The following TMEM178B variants were observed in gnomAD, a reference collection of about 807,000 sequenced individuals.
The protein encoded by TMEM178B is transmembrane protein 178B.
Under a neutral mutation model 31.0 loss-of-function variants are expected in TMEM178B, and 5 were observed. The observed-to-expected ratio is 0.16, with a 90% CI of 0.08 to 0.34. The LOEUF is 0.34. Among genes scored for constraint, TMEM178B ranks in the 10% least tolerant of loss-of-function variants. The pLI is 1.00. For missense variants in TMEM178B, 275 were observed against 400.3 expected (o/e 0.69, Z 2.67); for synonymous variants, 164 against 164.0 (o/e 1.00, Z 0.00).
intron 1 of TMEM178B, among the ~76,000 whole-genome samples, chr7:141,148,051 G>T (rs1795883755): frequency 6.6e-6 from 1 of 152,092 alleles, no homozygotes; most frequent in Non-Finnish European, 1.5e-5. Context: ...GGGTCCTAGG[G>T]GGCTAAAATC....
At position 141,422,837 on chromosome 7, in the gene TMEM178B, A is replaced by T. The variant is rs1801238713; in HGVS notation, c.497-14771A>T. Among the ~76,000 whole-genome samples the T allele has an allele frequency of 6.6e-6, 1 of 152,110 alleles. No homozygotes were observed. The highest frequency in any genetic ancestry group is 1.5e-5 in the Non-Finnish European group (1 of 68,028). On this transcript the variant is annotated intron_variant, in intron 2 of 3. Coordinates refer to ENST00000565468, the MANE Select transcript of TMEM178B (RefSeq NM_001195278.2). This position sits in a 1 kb window ranked among gnomAD's most constrained non-coding sequence, Gnocchi z 4.2. ...TGCGTCCATCTCCTGGTCTCTTGTT[A>T]TATGTAAACTGAAGGCGGCGAGAGC...
chr7:141,505,270 C>T, the TMEM178B span, among the ~76,000 whole-genome samples: 2 of 152,242 alleles, frequency 1.3e-5, no homozygotes, highest in Admixed American at 6.5e-5. Flanking sequence ...TAAAAAGCAT[C>T]CACCACTGTC....
chr7:141,370,993 G>T (rs115732578), intron 2 of TMEM178B, among the ~76,000 whole-genome samples: 3 of 152,334 alleles, frequency 2.0e-5, no homozygotes, highest in African/African-American at 7.2e-5. Context: ...CTGTGTACTC[G>T]CACTGACAGA....
At chr7:141,085,844 C>T (rs1406607663) in intron 1 of TMEM178B, among the ~76,000 whole-genome samples, 6 of 152,116 alleles carry the variant, frequency 3.9e-5, no homozygotes, top group South Asian at 2.1e-4. Context: ...AGGTTGAAGA[C>T]GTGCGTGCCT....
At chr7:141,402,464 C>G (rs1281247367) in intron 2 of TMEM178B, among the ~76,000 whole-genome samples, 2 of 152,210 alleles carry the variant, frequency 1.3e-5, no homozygotes, top group Admixed American at 6.5e-5. Flanking sequence ...GGAGCTGCAT[C>G]TTGGTAGAGC....
At chr7:141,408,781 A>G (rs1800930699) in intron 2 of TMEM178B, among the ~76,000 whole-genome samples, 1 of 152,246 alleles carries the variant, frequency 6.6e-6, no homozygotes, top group Non-Finnish European at 1.5e-5. Context: ...GGCTTTGCAG[A>G]GGAGTTGGCC....
chr7:141,302,090 T>C (rs969391335), intron 2 of TMEM178B, among the ~76,000 whole-genome samples: 12 of 152,158 alleles, frequency 7.9e-5, no homozygotes, highest in African/African-American at 2.9e-4. Flanking sequence ...GCAAATGTAC[T>C]AAATGCCACT....
intron 1 of TMEM178B, among the ~76,000 whole-genome samples, chr7:141,198,763 G>C (rs554634627): frequency 1.3e-5 from 2 of 152,084 alleles, no homozygotes; most frequent in Admixed American, 1.3e-4. Flanking sequence ...TCTCCTTCTC[G>C]CCTCGTTTGT....
chr7:141,308,994 AT>A (rs1007000747), intron 2 of TMEM178B, among the ~76,000 whole-genome samples: 16 of 152,322 alleles, frequency 1.1e-4, no homozygotes, highest in Non-Finnish European at 2.2e-4. Context: ...GATTAAGTGA[AT>A]TTTTTAGAGG....
chr7:141,251,913 C>A (rs1797840231), intron 2 of TMEM178B, among the ~76,000 whole-genome samples: 1 of 152,208 alleles, frequency 6.6e-6, no homozygotes, highest in Non-Finnish European at 1.5e-5. Context: ...TTGCTTCTCT[C>A]TGAAATGTCA....
At chr7:141,262,539 C>T (rs1798031007) in intron 2 of TMEM178B, among the ~76,000 whole-genome samples, 2 of 147,778 alleles carry the variant, frequency 1.4e-5, no homozygotes, top group Non-Finnish European at 1.5e-5. Context: ...CTTGACTACA[C>T]ACAATGGCAA....
the TMEM178B span, among the ~76,000 whole-genome samples, chr7:141,498,970 C>T: frequency 1.3e-5 from 2 of 152,100 alleles, no homozygotes; most frequent in African/African-American, 4.8e-5. Flanking sequence ...AAGGCATATG[C>T]TAAATTAGAC....
chr7:141,336,525 C>T (rs574287347), intron 2 of TMEM178B, among the ~76,000 whole-genome samples: 5 of 152,134 alleles, frequency 3.3e-5, no homozygotes, highest in South Asian at 2.1e-4. Context: ...CTAGTAACAC[C>T]TACCTGTTTG....
intron 2 of TMEM178B, among the ~76,000 whole-genome samples, chr7:141,366,414 C>T (rs990584928): frequency 6.6e-6 from 1 of 152,218 alleles, no homozygotes; most frequent in African/African-American, 2.4e-5. Flanking sequence ...CAAATCCATG[C>T]TGACTCCCTG....
At chr7:141,147,364 C>A (rs1172522074) in intron 1 of TMEM178B, among the ~76,000 whole-genome samples, 1 of 151,890 alleles carries the variant, frequency 6.6e-6, no homozygotes, top group Non-Finnish European at 1.5e-5. Flanking sequence ...GGGTGGGAGG[C>A]AGGCAAGGAG....
chr7:141,249,659 C>CCGTGTG (rs1160846), intron 2 of TMEM178B, among the ~76,000 whole-genome samples: 2 of 151,472 alleles, frequency 1.3e-5, no homozygotes, highest in African/African-American at 4.9e-5. Flanking sequence ...AAAAGGGGCT[C>CCGTGTG]ATGTGCCTGG....
At position 141,074,752 on chromosome 7, in the gene TMEM178B, C is replaced by T; in HGVS notation, c.382+60C>T. 1 of 1,436,262 alleles carries T rather than the reference C, an allele frequency of 7.0e-7. No homozygotes were observed. The allele number at this position is 1,436,262 out of a possible 1,614,324, so 89.0% of individuals were successfully genotyped here. Reference sequence around the variant, plus strand: ...AGCCCGGCGCCTTTAGGCCCCGCAGCCCCTCGCGTCTCCTTCCCAGGCCAC... The same window carrying T: ...AGCCCGGCGCCTTTAGGCCCCGCAGTCCCTCGCGTCTCCTTCCCAGGCCAC... On this transcript the variant is annotated intron_variant, in intron 1 of 3. Coordinates refer to ENST00000565468, the MANE Select transcript of TMEM178B (RefSeq NM_001195278.2). The surrounding 1 kb of genome is among the most constrained non-coding windows in gnomAD (Gnocchi z 5.1).
intron 2 of TMEM178B, among the ~76,000 whole-genome samples, chr7:141,392,185 C>T (rs35324042): frequency 0.017 from 2,562 of 152,174 alleles, 44 homozygotes; most frequent in Non-Finnish European, 0.028. Flanking sequence ...CAAAACAAGT[C>T]TCAAACTACC....
At chr7:141,328,336 T>C (rs1165974605) in intron 2 of TMEM178B, among the ~76,000 whole-genome samples, 2 of 152,214 alleles carry the variant, frequency 1.3e-5, no homozygotes. Context: ...TGAGACACAG[T>C]ATCTTCTGAT....
Sources: allele counts gnomAD v4.1 joint callset (sites outside exome capture counted in the v4.1 genomes callset), GRCh38; gene constraint gnomAD v4.1.1; non-coding constraint Gnocchi (gnomAD v3.1); transcripts MANE v1.5; gene names NCBI Gene and HGNC (gene_info 2026-07-23, HGNC 2026-07-21).